TBCD: variants seen among roughly 807,000 people sequenced by gnomAD.
TBCD encodes tubulin folding cofactor D.
Under a neutral mutation model 169.3 loss-of-function variants are expected in TBCD, and 105 were observed. The observed-to-expected ratio is 0.62, with a 90% CI of 0.53 to 0.73. The LOEUF (loss-of-function observed/expected upper bound fraction) is 0.73. Ranked by LOEUF, TBCD falls within the 30% of genes least tolerant of loss-of-function variation. The pLI, the probability that TBCD is intolerant of heterozygous loss-of-function variation, is 0.00. For synonymous variants in TBCD, 700 were observed against 643.9 expected (o/e 1.09, Z -1.32); for missense variants, 1,444 against 1,600.1 (o/e 0.90, Z 1.66).
intron 13 of TBCD, among the ~76,000 whole-genome samples, chr17:82,866,762 G>A (rs1010056309): frequency 1.3e-5 from 2 of 152,246 alleles, no homozygotes; most frequent in African/African-American, 4.8e-5. Flanking sequence ...CCCTGCGGGA[G>A]CACAGGGAGG....
intron 13 of TBCD, among the ~76,000 whole-genome samples, chr17:82,847,067 A>G (rs932825362): frequency 6.6e-6 from 1 of 152,196 alleles, no homozygotes; most frequent in African/African-American, 2.4e-5. Context: ...TTAAAAAGAA[A>G]CAGGCCGGGC....
chr17:82,876,856 A>G (rs1740871750), intron 14 of TBCD: 4 of 492,644 alleles, frequency 8.1e-6, no homozygotes, highest in African/African-American at 2.1e-5. Context: ...TCTGTGTCCA[A>G]ATTGCTGAGT....
At chr17:82,781,856 C>T in intron 7 of TBCD, 135 bp downstream of exon 7, 1 of 1,389,362 alleles carries the variant, frequency 7.2e-7, no homozygotes, top group Non-Finnish European at 9.7e-7. Context: ...GGGCCAGGGT[C>T]TTGGGCAGTT....
intron 14 of TBCD, among the ~76,000 whole-genome samples, chr17:82,873,669 A>G (rs1339852368): frequency 6.6e-6 from 1 of 152,228 alleles, no homozygotes; most frequent in African/African-American, 2.4e-5. Flanking sequence ...GTTCCAGAGT[A>G]AAATACCTAT....
Position 82,903,605 on chromosome 17 carries a change from G to GA in TBCD, c.1804+130dup. The GA allele has an allele frequency of 2.0e-6, 2 of 990,542 alleles. No homozygotes were observed. Among genetic ancestry groups the GA allele is most frequent in the Non-Finnish European group, 3.0e-6 (2 of 672,150 alleles). 61.4% of individuals were successfully genotyped at this position (990,542 alleles called of 1,614,324 possible). A position where few individuals can be genotyped will look rare whatever the true frequency, so the allele number is the denominator to read the frequency against. On this transcript the variant is annotated intron_variant, in intron 19 of 38. Transcript: ENST00000355528. The surrounding 1 kb of genome is among the most constrained non-coding windows in gnomAD (Gnocchi z 4.8). ...TCTGTCTTGGTGAGAAGCATCTGAG[G>GA]AAAGAGCTGTGGACTTGATCAGTGG...
At chr17:82,834,395 A>G (rs1030184085) in intron 13 of TBCD, among the ~76,000 whole-genome samples, 1 of 152,240 alleles carries the variant, frequency 6.6e-6, no homozygotes, top group Non-Finnish European at 1.5e-5. Flanking sequence ...ATTCGTATTA[A>G]AAATGTAAAA....
chr17:82,936,397 C>T (rs1164442354), intron 34 of TBCD, among the ~76,000 whole-genome samples: 3 of 152,226 alleles, frequency 2.0e-5, no homozygotes, highest in South Asian at 2.1e-4. Context: ...CCTTCCGTGC[C>T]CGGTGTTCAT....
chr17:82,924,272 G>A (rs1381417618), intron 26 of TBCD, among the ~76,000 whole-genome samples: 1 of 152,140 alleles, frequency 6.6e-6, no homozygotes, highest in Non-Finnish European at 1.5e-5. Flanking sequence ...TAGAATTTTT[G>A]TATGCACCGT....
intron 13 of TBCD, among the ~76,000 whole-genome samples, chr17:82,816,494 T>C (rs865905883): frequency 6.6e-6 from 1 of 152,180 alleles, no homozygotes; most frequent in African/African-American, 2.4e-5. Context: ...CTGCCTGTAG[T>C]GTGTGAGGGT....
chr17:82,756,515 C>T (rs1033116944), intron 2 of TBCD, among the ~76,000 whole-genome samples: 6 of 151,990 alleles, frequency 3.9e-5, no homozygotes, highest in African/African-American at 1.5e-4. Context: ...GAGTCTCGCT[C>T]TGTCTCCAGG....
In TBCD at chr17:82,807,596, C is replaced by T; in HGVS notation, c.1088-12C>T. The stretch of plus-strand genomic sequence containing the variant: ...GTGGACTCTGTCACGCATCACCTTC[C>T]TCTTCCTACAGAGCAGCTGCTGGTC... On this transcript the variant is annotated splice_polypyrimidine_tract_variant and intron_variant, in intron 10 of 38. Transcript: ENST00000355528. 1 of 1,506,298 alleles carries T rather than the reference C, an allele frequency of 6.6e-7. No individual in the cohort carries two copies. The highest frequency in any genetic ancestry group is 8.9e-7 in the Non-Finnish European group (1 of 1,124,798). 93.3% of individuals were successfully genotyped at this position (1,506,298 alleles called of 1,614,324 possible). A position where few individuals can be genotyped will look rare whatever the true frequency, so the allele number is the denominator to read the frequency against.
At position 82,944,502 on chromosome 17, in the gene TBCD, T is replaced by C. The variant is rs2063541065; in HGVS notation, c.*2039T>C. The C allele has an allele frequency of 1.3e-5, 2 of 152,150 alleles. No homozygotes were observed. Among genetic ancestry groups the C allele is most frequent in the African/African-American group, 4.8e-5 (2 of 41,412 alleles). 9.4% of individuals were successfully genotyped at this position (152,150 alleles called of 1,614,324 possible). ...CTATGAACAAAGATAAAGTGGGCAA[T>C]GGAATGGCATGTTGGGTGTTGACTC... is the stretch of plus-strand genomic sequence containing the variant. On this transcript the variant is annotated 3_prime_UTR_variant, in exon 39 of 39. Coordinates refer to ENST00000355528, the MANE Select transcript of TBCD (RefSeq NM_005993.5).
intron 13 of TBCD, among the ~76,000 whole-genome samples, chr17:82,863,792 C>T (rs1054598004): frequency 6.6e-6 from 1 of 152,104 alleles, no homozygotes; most frequent in African/African-American, 2.4e-5. Context: ...TGGTGAGGAA[C>T]CTGGAGAGGA....
rs933811687 is a variant in TBCD, at chr17:82,884,564, C to T, written c.1533+362C>T. Among the ~76,000 whole-genome samples the T allele has an allele frequency of 2.0e-5, 3 of 152,042 alleles. No individual in the cohort carries two copies. The highest frequency in any genetic ancestry group is 2.4e-5 in the African/African-American group (1 of 41,386). On this transcript the variant is annotated intron_variant, in intron 15 of 38. Coordinates refer to ENST00000355528, the MANE Select transcript of TBCD (RefSeq NM_005993.5). The surrounding 1 kb of genome is among the most constrained non-coding windows in gnomAD (Gnocchi z 4.2). ...GGGTGGCCAGAATGTGGCGGCGGGACGGGTCACTCACCGGGTGGCTTTGAG... is the reference window on the plus strand; with the variant it reads ...GGGTGGCCAGAATGTGGCGGCGGGATGGGTCACTCACCGGGTGGCTTTGAG...
intron 7 of TBCD, among the ~76,000 whole-genome samples, chr17:82,790,862 G>A (rs1179808305): frequency 6.6e-6 from 1 of 152,070 alleles, no homozygotes; most frequent in Non-Finnish European, 1.5e-5. Flanking sequence ...CTGCAGAGAA[G>A]CTCAGACCCC....
chr17:82,809,973 T>C (rs1034528990), intron 12 of TBCD, among the ~76,000 whole-genome samples, 191 bp downstream of exon 12: 1 of 152,224 alleles, frequency 6.6e-6, no homozygotes, highest in Non-Finnish European at 1.5e-5. Flanking sequence ...TCAATTCCAT[T>C]CTATTTAAAA....
At position 82,939,314 on chromosome 17, in the gene TBCD, G is replaced by C. The variant is rs1042976952; in HGVS notation, c.3370-53G>C. The stretch of plus-strand genomic sequence containing the variant: ...CTGGCCTGGGTCCTGTCGTCTCTCC[G>C]GGGTGGGGCGGTGGCGCTTCCCTCC... On this transcript the variant is annotated intron_variant, in intron 36 of 38. Coordinates refer to ENST00000355528, the MANE Select transcript of TBCD (RefSeq NM_005993.5). The C allele has an allele frequency of 2.1e-6, 3 of 1,455,146 alleles. No individual in the cohort carries two copies. In the Admixed American group the frequency reaches 5.6e-5, roughly 27 times the overall value. The allele number at this position is 1,455,146 out of a possible 1,614,324, so 90.1% of individuals were successfully genotyped here. A position where few individuals can be genotyped will look rare whatever the true frequency, so the allele number is the denominator to read the frequency against.
Position 82,831,497 on chromosome 17 carries a change from C to A in TBCD, c.1318+16563C>A. 6.2e-7 allele frequency: 1 copy of A among 1,614,102 alleles called. No homozygotes were observed. Among genetic ancestry groups the A allele is most frequent in the Non-Finnish European group, 8.5e-7 (1 of 1,180,026 alleles). ...AATGCAGACTCTGGCCTGTAAAATC[C>A]GTAAGGAATCGGCAGGTTAGAGGGA... On this transcript the variant is annotated intron_variant, in intron 13 of 38. Transcript: ENST00000355528. This position sits in a 1 kb window ranked among gnomAD's most constrained non-coding sequence, Gnocchi z 4.6.
rs1026592292 is a variant in TBCD at position 82,782,946 on chromosome 17, C to T, written c.771+1225C>T. Among the ~76,000 whole-genome samples the T allele has an allele frequency of 2.0e-5, 3 of 151,420 alleles. No individual in the cohort carries two copies. Among genetic ancestry groups the T allele is most frequent in the African/African-American group, 4.9e-5 (2 of 41,138 alleles). On this transcript the variant is annotated intron_variant, in intron 7 of 38. Transcript: ENST00000355528. This position sits in a 1 kb window ranked among gnomAD's most constrained non-coding sequence, Gnocchi z 5.1. The stretch of plus-strand genomic sequence containing the variant: ...CCTGTCCATGGCGGCCTCCTGTCCG[C>T]GGTGCCCTCCTGTCCATGGTGGCCT...
Sources: gnomAD v4.1 joint callset for allele counts (sites outside exome capture counted in the v4.1 genomes callset) on GRCh38, gnomAD v4.1.1 for gene constraint, Gnocchi (gnomAD v3.1) non-coding constraint, MANE v1.5 for transcripts, NCBI Gene and HGNC (gene_info 2026-07-23, HGNC 2026-07-21) for gene names.